MRPL13: variants seen among roughly 807,000 people sequenced by gnomAD.
MRPL13 encodes the protein mitochondrial ribosomal protein L13.
Under a neutral mutation model 29.0 loss-of-function variants are expected in MRPL13, and 33 were observed. The observed-to-expected ratio is 1.14, with a 90% CI of 0.86 to 1.52. MRPL13 has a LOEUF of 1.52. MRPL13 is among the 40% of genes most tolerant of loss of function. MRPL13 has a pLI of 0.00. For synonymous variants in MRPL13, 77 were observed against 68.4 expected (o/e 1.13, Z -0.62); for missense variants, 227 against 216.7 (o/e 1.05, Z -0.30).
chr8:120,407,073 TA>T (rs1221260200), intron 6 of MRPL13, among the ~76,000 whole-genome samples: 1 of 152,182 alleles, frequency 6.6e-6, no homozygotes, highest in Non-Finnish European at 1.5e-5. Flanking sequence ...TACGCATCCC[TA>T]TGCAAAACAC....
chr8:120,400,920 C>T (rs1812588274), intron 6 of MRPL13, among the ~76,000 whole-genome samples: 1 of 151,736 alleles, frequency 6.6e-6, no homozygotes, highest in African/African-American at 2.4e-5. Flanking sequence ...GGATAAATTC[C>T]TAGATACAAA....
intron 1 of MRPL13, among the ~76,000 whole-genome samples, chr8:120,443,652 T>C (rs1474370302): frequency 6.7e-6 from 1 of 148,430 alleles, no homozygotes; most frequent in Non-Finnish European, 1.5e-5. Context: ...CATAATAGAA[T>C]CTGGAGGGGC....
chr8:120,406,122 T>G (rs1183178199), intron 6 of MRPL13, among the ~76,000 whole-genome samples: 1 of 152,204 alleles, frequency 6.6e-6, no homozygotes, highest in Non-Finnish European at 1.5e-5. Context: ...AGAGGGATAT[T>G]TCAAATGCCA....
At chr8:120,403,905 T>C (rs1373316661) in intron 6 of MRPL13, among the ~76,000 whole-genome samples, 2 of 152,224 alleles carry the variant, frequency 1.3e-5, no homozygotes, top group Non-Finnish European at 2.9e-5. Context: ...ACAAAGGCAC[T>C]GATCTGGGAA....
In MRPL13 at chr8:120,420,967, G is replaced by A. The variant is rs573779440; in HGVS notation, c.307-1029C>T. On this transcript the variant is annotated intron_variant, in intron 4 of 6. Coordinates refer to ENST00000306185, the MANE Select transcript of MRPL13 (RefSeq NM_014078.6). ...TGTGAAAAGATTATAAGCTAACAGG[G>A]AAGAAAAAAGACAGACATACAAATG... is the stretch of plus-strand genomic sequence containing the variant. 2.0e-5 allele frequency among the ~76,000 whole-genome samples: 3 copies of A among 151,732 alleles called. No homozygotes were observed. In the South Asian group the frequency reaches 6.2e-4, roughly 32 times the overall value.
intron 5 of MRPL13, among the ~76,000 whole-genome samples, chr8:120,419,056 A>G (rs1404016648): frequency 6.6e-6 from 1 of 152,034 alleles, no homozygotes; most frequent in East Asian, 1.9e-4. Flanking sequence ...TAACCATGGT[A>G]ATGATAGCAT....
chr8:120,411,116 C>A (rs1443332955), intron 6 of MRPL13, among the ~76,000 whole-genome samples: 1 of 152,038 alleles, frequency 6.6e-6, no homozygotes, highest in African/African-American at 2.4e-5. Flanking sequence ...GGCTGGAGTG[C>A]AGTGGCATGA....
At chr8:120,410,247 T>A (rs1812725447) in intron 6 of MRPL13, among the ~76,000 whole-genome samples, 1 of 152,194 alleles carries the variant, frequency 6.6e-6, no homozygotes, top group Non-Finnish European at 1.5e-5. Context: ...GCAATGCAGG[T>A]ACATTTGTTT....
chr8:120,403,288 A>C (rs983744944), intron 6 of MRPL13, among the ~76,000 whole-genome samples: 2 of 152,252 alleles, frequency 1.3e-5, no homozygotes, highest in Non-Finnish European at 2.9e-5. Context: ...GTATATATAC[A>C]CCATGGAATA....
At chr8:120,424,080 A>G (rs1285515118) in intron 4 of MRPL13, among the ~76,000 whole-genome samples, 1 of 152,308 alleles carries the variant, frequency 6.6e-6, no homozygotes, top group East Asian at 1.9e-4. Context: ...AAAAACATCT[A>G]TAACAGAATA....
At chr8:120,438,357 CA>C (rs1813078708) in intron 2 of MRPL13, among the ~76,000 whole-genome samples, 1 of 152,120 alleles carries the variant, frequency 6.6e-6, no homozygotes, top group Non-Finnish European at 1.5e-5. Flanking sequence ...CATAGTGAAA[CA>C]AAAATGCAAT....
Position 120,434,591 on chromosome 8 carries a change from G to T in MRPL13, c.152-2468C>A, listed in dbSNP as rs551428657. Reference sequence around the variant, plus strand: ...AGTTAAAATGCCATAAGGAGACAATGATATCATTCACTAATTGATCACGTA... The same window carrying T: ...AGTTAAAATGCCATAAGGAGACAATTATATCATTCACTAATTGATCACGTA... On this transcript the variant is annotated intron_variant, in intron 2 of 6. Transcript: ENST00000306185. 6.6e-5 allele frequency among the ~76,000 whole-genome samples: 10 copies of T among 152,162 alleles called. No individual in the cohort carries two copies. In the South Asian group the frequency reaches 1.9e-3, roughly 28 times the overall value.
rs367581261 is a variant in MRPL13, at chr8:120,444,029, T to C, written c.28-721A>G. Among the ~76,000 whole-genome samples, 6 of 151,978 alleles carry C rather than the reference T, an allele frequency of 3.9e-5. No homozygotes were observed. In the East Asian group the frequency reaches 7.7e-4, roughly 20 times the overall value. Reference sequence around the variant, plus strand: ...AAGAGGCTAAACAATGCTGGAAAAATAGAACGAGGCTAGCTGGTCTTATTT... The same window carrying C: ...AAGAGGCTAAACAATGCTGGAAAAACAGAACGAGGCTAGCTGGTCTTATTT... On this transcript the variant is annotated intron_variant, in intron 1 of 6. Coordinates refer to ENST00000306185, the MANE Select transcript of MRPL13 (RefSeq NM_014078.6).
intron 6 of MRPL13, among the ~76,000 whole-genome samples, chr8:120,396,977 G>C (rs1812531647): frequency 6.6e-6 from 1 of 152,174 alleles, no homozygotes; most frequent in Non-Finnish European, 1.5e-5. Flanking sequence ...TTCACATTGG[G>C]ACTGACTAGG....
chr8:120,398,753 A>T (rs1166058695), intron 6 of MRPL13, among the ~76,000 whole-genome samples: 1 of 152,214 alleles, frequency 6.6e-6, no homozygotes, highest in Non-Finnish European at 1.5e-5. Flanking sequence ...GTTAAGAATC[A>T]TGATAAAACA....
At position 120,443,245 on chromosome 8, in the gene MRPL13, G is replaced by C; in HGVS notation, c.91C>G (p.Leu31Val). The C allele has an allele frequency of 6.2e-7, 1 of 1,608,146 alleles. No individual in the cohort carries two copies. Among genetic ancestry groups the C allele is most frequent in the Non-Finnish European group, 8.5e-7 (1 of 1,177,450 alleles). Residue 31 changes from leucine to valine, a missense_variant, in exon 2 of 7, where the codon CTT becomes GTT. Coordinates refer to ENST00000306185, the MANE Select transcript of MRPL13 (RefSeq NM_014078.6). ...AGTCTTATAGATGCCATAGCAGCAA[G>C]TTTGCCAGGTGGCTGCATTTTCCCA... ...LDGKMQPPGK[L>V]AAMASIRLQG...
chr8:120,443,161 T>G (rs770392967), intron 2 of MRPL13, 24 bp downstream of exon 2: 3 of 1,496,822 alleles, frequency 2.0e-6, no homozygotes, highest in Non-Finnish European at 2.7e-6. Context: ...CAGTGGTTAA[T>G]GACAGGTCTA....
At chr8:120,424,216 T>C (rs898035805) in intron 4 of MRPL13, among the ~76,000 whole-genome samples, 1 of 152,082 alleles carries the variant, frequency 6.6e-6, no homozygotes, top group African/African-American at 2.4e-5. Flanking sequence ...ATTAAGAGGA[T>C]CAGTACATAT....
chr8:120,404,644 T>G (rs1337258220), intron 6 of MRPL13, among the ~76,000 whole-genome samples: 1 of 152,214 alleles, frequency 6.6e-6, no homozygotes, highest in Non-Finnish European at 1.5e-5. Flanking sequence ...ACATGCTGAG[T>G]GCTCATTAGA....
Sources: allele counts gnomAD v4.1 joint callset (sites outside exome capture counted in the v4.1 genomes callset), GRCh38; gene constraint gnomAD v4.1.1; transcripts MANE v1.5; gene names NCBI Gene and HGNC (gene_info 2026-07-23, HGNC 2026-07-21).